Variants in ADGRG6 observed in about 807,000 individuals in gnomAD.
The protein encoded by ADGRG6 is G-protein coupled receptor 126.
ADGRG6 carries 84 observed loss-of-function variants against 142.4 expected under a neutral mutation model. The observed-to-expected ratio is 0.59, with a 90% CI of 0.49 to 0.71. ADGRG6 has a LOEUF of 0.71. Among genes scored for constraint, ADGRG6 ranks in the 30% least tolerant of loss-of-function variants. The pLI, the probability that ADGRG6 is intolerant of heterozygous loss-of-function variation, is 0.00. For missense variants in ADGRG6, 1,367 were observed against 1,466.6 expected, an observed-to-expected ratio of 0.93 and a Z score of 1.11; for synonymous variants, 521 against 520.5, an observed-to-expected ratio of 1.00 and a Z score of -0.01.
intron 22 of ADGRG6, among the ~76,000 whole-genome samples, chr6:142,427,546 C>T (rs911201044): frequency 2.0e-5 from 3 of 152,164 alleles, no homozygotes; most frequent in Non-Finnish European, 4.4e-5. Context: ...CAAACTGTTC[C>T]AACCTCTGTC....
chr6:142,368,540 T>A (rs1194793222), intron 3 of ADGRG6, among the ~76,000 whole-genome samples: 1 of 152,158 alleles, frequency 6.6e-6, no homozygotes, highest in Non-Finnish European at 1.5e-5. Flanking sequence ...GACTTAGTTA[T>A]ACTGTTTTTT....
chr6:142,356,805 G>A (rs1327190592), intron 2 of ADGRG6, among the ~76,000 whole-genome samples: 2 of 152,060 alleles, frequency 1.3e-5, no homozygotes, highest in African/African-American at 4.8e-5. Flanking sequence ...ATCTCACTTC[G>A]AACATAGCCA....
intron 2 of ADGRG6, among the ~76,000 whole-genome samples, chr6:142,319,332 G>A (rs1253515383): frequency 6.6e-6 from 1 of 152,078 alleles, no homozygotes; most frequent in Non-Finnish European, 1.5e-5. Flanking sequence ...TGGGTATATT[G>A]TAAGAGCTCC....
chr6:142,356,532 A>C (rs944527489), intron 2 of ADGRG6, among the ~76,000 whole-genome samples: 4 of 152,160 alleles, frequency 2.6e-5, no homozygotes, highest in Non-Finnish European at 5.9e-5. Flanking sequence ...TTGCTTCATA[A>C]CCCTGTGAAC....
At chr6:142,368,669 G>A (rs1376545112) in intron 3 of ADGRG6, among the ~76,000 whole-genome samples, 3 of 151,668 alleles carry the variant, frequency 2.0e-5, no homozygotes, top group Non-Finnish European at 2.9e-5. Flanking sequence ...AGAAAGACAC[G>A]ACTATGAAAA....
intron 2 of ADGRG6, among the ~76,000 whole-genome samples, chr6:142,348,340 A>G (rs1191228305): frequency 6.6e-6 from 1 of 152,228 alleles, no homozygotes; most frequent in Admixed American, 6.5e-5. Flanking sequence ...TCAAATGTTA[A>G]AAGATCAGAT....
At chr6:142,312,610 G>A (rs1777823782) in intron 2 of ADGRG6, among the ~76,000 whole-genome samples, 1 of 152,018 alleles carries the variant, frequency 6.6e-6, no homozygotes, top group South Asian at 2.1e-4. Flanking sequence ...AAAAGAGTGT[G>A]CACTGACACT....
chr6:142,342,038 C>T (rs1236674869), intron 2 of ADGRG6, among the ~76,000 whole-genome samples: 1 of 151,960 alleles, frequency 6.6e-6, no homozygotes, highest in African/African-American at 2.4e-5. Context: ...GTGAAGTTTA[C>T]CTCTTAAAAT....
intron 2 of ADGRG6, among the ~76,000 whole-genome samples, chr6:142,331,097 A>G (rs1220660001): frequency 2.6e-5 from 4 of 151,860 alleles, no homozygotes; most frequent in Non-Finnish European, 5.9e-5. Context: ...TGTATGTGAC[A>G]TGGACATTCT....
chr6:142,445,400 T>C lies in ADGRG6; in HGVS notation c.*1885T>C, dbSNP rs1777931471. 1 of 152,150 alleles carries C rather than the reference T, an allele frequency of 6.6e-6. No homozygotes were observed. The highest frequency in any genetic ancestry group is 1.5e-5 in the Non-Finnish European group (1 of 68,026). The allele number at this position is 152,150 out of a possible 1,614,324, so 9.4% of individuals were successfully genotyped here. On this transcript the variant is annotated 3_prime_UTR_variant, in exon 25 of 25. Coordinates refer to ENST00000367609, the MANE Select transcript of ADGRG6 (RefSeq NM_198569.3). ...GAAAATGAATCTTAGTCACTGAATA[T>C]TCATATACATTTCCCCCAAAACCTT...
chr6:142,410,533 T>G (rs1247287602), intron 17 of ADGRG6, among the ~76,000 whole-genome samples: 1 of 152,090 alleles, frequency 6.6e-6, no homozygotes, highest in Admixed American at 6.6e-5. Context: ...CTTCTTCTGT[T>G]TGTCCCCTTG....
At chr6:142,407,586 T>G (rs1775872737) in intron 15 of ADGRG6, among the ~76,000 whole-genome samples, 1 of 152,198 alleles carries the variant, frequency 6.6e-6, no homozygotes, top group Non-Finnish European at 1.5e-5. Context: ...CCTGACAGCC[T>G]TATTGCTTAA....
intron 4 of ADGRG6, among the ~76,000 whole-genome samples, chr6:142,371,486 T>G (rs9389989): frequency 0.025 from 2,589 of 103,412 alleles, 41 homozygotes; most frequent in African/African-American, 0.12. Flanking sequence ...TTTTTTTTGT[T>G]TTTTTTTTTT....
At chr6:142,410,247 C>G (rs1776013813) in intron 17 of ADGRG6, among the ~76,000 whole-genome samples, 1 of 152,072 alleles carries the variant, frequency 6.6e-6, no homozygotes, top group Non-Finnish European at 1.5e-5. Context: ...TGCACTTAAT[C>G]TCATTCTTCT....
chr6:142,418,588 A>G (rs907452028), intron 21 of ADGRG6, among the ~76,000 whole-genome samples: 4 of 152,188 alleles, frequency 2.6e-5, no homozygotes, highest in African/African-American at 9.7e-5. Context: ...AGAATTTTAG[A>G]AGTATGTTCA....
chr6:142,319,145 G>A (rs1365069083), intron 2 of ADGRG6, among the ~76,000 whole-genome samples: 1 of 152,126 alleles, frequency 6.6e-6, no homozygotes, highest in Non-Finnish European at 1.5e-5. Context: ...CCTCATTGGT[G>A]AACAGCCCTG....
At chr6:142,419,152 T>C (rs1347698061) in intron 21 of ADGRG6, among the ~76,000 whole-genome samples, 2 of 152,118 alleles carry the variant, frequency 1.3e-5, no homozygotes, top group African/African-American at 2.4e-5. Flanking sequence ...GTGACTTAAG[T>C]GAGTAGGAGT....
At chr6:142,415,142 A>G (rs753287555) in intron 19 of ADGRG6, 46 bp downstream of exon 19, 3 of 1,528,054 alleles carry the variant, frequency 2.0e-6, no homozygotes, top group Non-Finnish European at 2.7e-6. Context: ...ACTGTTCCAA[A>G]TGTGAATAAG....
Position 142,367,647 on chromosome 6 carries a change from A to G in ADGRG6, c.182A>G (p.Tyr61Cys). ...ACTTCTCCATGCTACCCTAACGACT[A>G]CCCAAACAGCCAGGCTTGCATGTGG... ...TFTSPCYPND[Y>C]PNSQACMWTL... The change falls in exon 3 of 25, where the codon TAC (tyrosine) becomes TGC (cysteine). Residue 61 changes from tyrosine (Y) to cysteine (C), a missense_variant. Physicochemically the swap from Tyr to Cys is radical, Grantham distance 194 (BLOSUM62 -2). Transcript: ENST00000367609. 1.2e-6 allele frequency: 2 copies of G among 1,613,718 alleles called. No individual in the cohort carries two copies. The highest frequency in any genetic ancestry group is 8.5e-7 in the Non-Finnish European group (1 of 1,179,834).
Sources: gnomAD v4.1 joint callset for allele counts (sites outside exome capture counted in the v4.1 genomes callset) on GRCh38, gnomAD v4.1.1 for gene constraint, MANE v1.5 for transcripts, NCBI Gene and HGNC (gene_info 2026-07-23, HGNC 2026-07-21) for gene names.